PRUNE2: variants seen among roughly 807,000 people sequenced by gnomAD.
The protein encoded by PRUNE2 is protein prune homolog 2.
Under a neutral mutation model 252.0 loss-of-function variants are expected in PRUNE2, and 164 were observed. That is an observed-to-expected ratio of 0.65 (90% CI 0.57 to 0.74). The LOEUF is 0.74. Ranked by LOEUF, PRUNE2 falls within the 30% of genes least tolerant of loss-of-function variation. PRUNE2 has a pLI of 0.00. For missense variants in PRUNE2, 3,495 were observed against 3,711.0 expected (o/e 0.94, Z 1.51); for synonymous variants, 1,292 against 1,350.2 (o/e 0.96, Z 0.94).
intron 6 of PRUNE2, among the ~76,000 whole-genome samples, chr9:76,763,633 C>A (rs144417266): frequency 0.023 from 3,532 of 152,270 alleles, 61 homozygotes; most frequent in Middle Eastern, 0.027. Context: ...AGCTTCCTTG[C>A]CTCTCCTGTG....
intron 12 of PRUNE2, chr9:76,641,925 C>G: frequency 6.6e-7 from 1 of 1,522,106 alleles, no homozygotes; most frequent in Non-Finnish European, 8.8e-7. Flanking sequence ...CTCTTCTCCT[C>G]ATTCTTTCCA....
At chr9:76,629,422 T>C in intron 15 of PRUNE2, 132 bp from the exon 16 acceptor site, 1 of 540,462 alleles carries the variant, frequency 1.9e-6, no homozygotes, top group Non-Finnish European at 3.2e-6. Context: ...GCTAACATTA[T>C]TTGACGAGTT....
chr9:76,761,264 G>A (rs1289333039), intron 6 of PRUNE2, among the ~76,000 whole-genome samples: 4 of 152,084 alleles, frequency 2.6e-5, no homozygotes, highest in African/African-American at 9.7e-5. Context: ...TCTTCTGTGA[G>A]ATTGCTGCCC....
chr9:76,639,910 C>G (rs947204793), intron 12 of PRUNE2, among the ~76,000 whole-genome samples: 1 of 152,148 alleles, frequency 6.6e-6, no homozygotes, highest in African/African-American at 2.4e-5. Context: ...TTTGGAATTG[C>G]CCTGTCTTTT....
Position 76,713,629 on chromosome 9 carries a change from CAGAT to C in PRUNE2, c.845_848del (p.Tyr282CysfsTer36), listed in dbSNP as rs1269571099. The C allele has an allele frequency of 1.9e-6, 3 of 1,604,414 alleles. No homozygotes were observed. The highest frequency in any genetic ancestry group is 2.6e-6 in the Non-Finnish European group (3 of 1,175,504). On this transcript the variant is annotated frameshift_variant, in exon 7 of 19. Coordinates refer to ENST00000376718, the MANE Select transcript of PRUNE2 (RefSeq NM_015225.3). LOFTEE classifies it high-confidence loss of function. ...GTCGTCTCGGCTGCTGCTCCTCTGACAGATAGCTGGAGAACAGGATGAGGACATC... is the reference window on the plus strand; with the variant it reads ...GTCGTCTCGGCTGCTGCTCCTCTGACAGCTGGAGAACAGGATGAGGACATC...
chr9:76,763,184 A>C lies in PRUNE2; in HGVS notation c.757-49463T>G, dbSNP rs1193864803. 2.0e-5 allele frequency among the ~76,000 whole-genome samples: 3 copies of C among 152,224 alleles called. No individual in the cohort carries two copies. The East Asian group carries it at 5.8e-4, about 29-fold the overall frequency. ...GACAAAAAGCCCAGGTGCTGCCTGC[A>C]CTGGAAGTCAAGTCAATTACTGGTC... On this transcript the variant is annotated intron_variant, in intron 6 of 18. Coordinates refer to ENST00000376718, the MANE Select transcript of PRUNE2 (RefSeq NM_015225.3).
rs144023967 is a variant in PRUNE2, at chr9:76,899,628, C to A, written c.36+6300G>T. Among the ~76,000 whole-genome samples the A allele has an allele frequency of 1.8e-4, 28 of 152,252 alleles. 1 individual carries two copies. In the East Asian group the frequency reaches 4.4e-3, roughly 24 times the overall value. ...CACTCTTTGAGCATCAGGTACTGCA[C>A]CAGAACCGGGAGATACAATGGTGAG... On this transcript the variant is annotated intron_variant, in intron 1 of 18. Transcript: ENST00000376718.
At chr9:76,869,545 T>A (rs1050598125) in intron 1 of PRUNE2, among the ~76,000 whole-genome samples, 1 of 152,148 alleles carries the variant, frequency 6.6e-6, no homozygotes, top group Non-Finnish European at 1.5e-5. Context: ...CAGTAGATAT[T>A]CAAAAAATGT....
chr9:76,863,260 C>T (rs1308676404), intron 1 of PRUNE2: 2 of 152,098 alleles, frequency 1.3e-5, no homozygotes, highest in African/African-American at 2.4e-5. Context: ...AGAAATTTAC[C>T]TTCCCATCCA....
rs370853576 is a variant in PRUNE2, at chr9:76,703,634, A to G, written c.7979T>C (p.Val2660Ala). Reference sequence around the variant, plus strand: ...CAAGCCGAGTTCAGAGAACGGCTCCACAGTCTTGCCAGACCACCCAGGCCC... The same window carrying G: ...CAAGCCGAGTTCAGAGAACGGCTCCGCAGTCTTGCCAGACCACCCAGGCCC... ...DSGPGWSGKT[V>A]EPFSELGLGE... The change falls in exon 9 of 19, where the codon GTG (valine) becomes GCG (alanine). Residue 2660 changes from valine (V) to alanine (A), a missense_variant. Val to Ala is a moderately conservative substitution (Grantham distance 64). Coordinates refer to ENST00000376718, the MANE Select transcript of PRUNE2 (RefSeq NM_015225.3). 9.3e-6 allele frequency: 15 copies of G among 1,612,326 alleles called. No individual in the cohort carries two copies. The Admixed American group carries it at 1.5e-4, about 16-fold the overall frequency.
At chr9:76,774,146 A>T (rs1020443102) in intron 6 of PRUNE2, among the ~76,000 whole-genome samples, 2 of 151,990 alleles carry the variant, frequency 1.3e-5, no homozygotes, top group African/African-American at 2.4e-5. Flanking sequence ...TTAAAAAAAT[A>T]TTTTTTTGAC....
intron 6 of PRUNE2, among the ~76,000 whole-genome samples, chr9:76,768,756 C>T (rs958741225): frequency 6.6e-6 from 1 of 152,078 alleles, no homozygotes; most frequent in African/African-American, 2.4e-5. Flanking sequence ...TCTTACCACC[C>T]AAGTAATTGG....
intron 4 of PRUNE2, among the ~76,000 whole-genome samples, chr9:76,845,640 C>G (rs1029735262): frequency 6.6e-6 from 1 of 152,194 alleles, no homozygotes; most frequent in Non-Finnish European, 1.5e-5. Flanking sequence ...AGGACAGAGT[C>G]CTTAAAAGAG....
chr9:76,720,250 A>G (rs958211043), intron 6 of PRUNE2, among the ~76,000 whole-genome samples: 5 of 152,022 alleles, frequency 3.3e-5, no homozygotes, highest in Non-Finnish European at 7.3e-5. Context: ...AATAATACGT[A>G]TTGAATTCTA....
chr9:76,708,267 C>CT lies in PRUNE2; in HGVS notation c.4006dup (p.Arg1336LysfsTer5). The CT allele has an allele frequency of 6.2e-7, 1 of 1,613,840 alleles. No homozygotes were observed. Among genetic ancestry groups the CT allele is most frequent in the Non-Finnish European group, 8.5e-7 (1 of 1,179,870 alleles). On this transcript the variant is annotated frameshift_variant, in exon 8 of 19. Coordinates refer to ENST00000376718, the MANE Select transcript of PRUNE2 (RefSeq NM_015225.3). LOFTEE classifies it high-confidence loss of function. The stretch of plus-strand genomic sequence containing the variant: ...CACCTCCTCTTCATCAAGGTGCCCC[C>CT]TGTCAGTGGCTCCCTGGGCTTCCTT...
chr9:76,646,180 C>A (rs950709596), intron 11 of PRUNE2, among the ~76,000 whole-genome samples: 1 of 152,200 alleles, frequency 6.6e-6, no homozygotes, highest in African/African-American at 2.4e-5. Context: ...TTAATATTCA[C>A]TTCCAGCAAC....
intron 1 of PRUNE2, 100 bp from the exon 2 acceptor site, chr9:76,854,308 A>G: frequency 1.9e-6 from 1 of 526,688 alleles, no homozygotes; most frequent in Non-Finnish European, 3.3e-6. Context: ...CCATATTGAT[A>G]CACAATGGCA....
rs759551313 is a variant in PRUNE2, at chr9:76,710,554, G to A, written c.1720C>T (p.Gln574Ter). ...TCAGAGTTATCTCTGGGACTGTCTTGTCTCTGGACAAACTCCTCATCATGT... is the reference window on the plus strand; with the variant it reads ...TCAGAGTTATCTCTGGGACTGTCTTATCTCTGGACAAACTCCTCATCATGT... ...VEHDEEFVQR[Q>*]DSPRDNSERN... is the part of the protein sequence containing the mutation. The change falls in exon 8 of 19, where the codon CAA (glutamine) becomes TAA (stop). Residue 574 changes from glutamine (Q) to a stop codon, truncating the protein, a stop_gained. Coordinates refer to ENST00000376718, the MANE Select transcript of PRUNE2 (RefSeq NM_015225.3). LOFTEE classifies it high-confidence loss of function. 4 of 1,613,902 alleles carry A rather than the reference G, an allele frequency of 2.5e-6. No individual in the cohort carries two copies. Among genetic ancestry groups the A allele is most frequent in the Non-Finnish European group, 3.4e-6 (4 of 1,179,868 alleles).
rs796291956 is a variant in PRUNE2 at position 76,724,303 on chromosome 9, CAA to C, written c.757-10584_757-10583del. ...GTGAGACCTGTCTCTGATAGAAATA[CAA>C]AAAAAAAAAAAAAAAAAAAATAGCC... On this transcript the variant is annotated intron_variant, in intron 6 of 18. Coordinates refer to ENST00000376718, the MANE Select transcript of PRUNE2 (RefSeq NM_015225.3). Among the ~76,000 whole-genome samples the C allele has an allele frequency of 7.1e-3, 494 of 69,404 alleles. 5 individuals carry two copies. Among genetic ancestry groups the C allele is most frequent in the Middle Eastern group, 0.021 (2 of 94 alleles). The allele number at this position is 69,404 out of a possible 152,430, so 45.5% of individuals were successfully genotyped here.
Sources: gnomAD v4.1 joint callset for allele counts (sites outside exome capture counted in the v4.1 genomes callset) on GRCh38, gnomAD v4.1.1 for gene constraint, MANE v1.5 for transcripts, NCBI Gene and HGNC (gene_info 2026-07-23, HGNC 2026-07-21) for gene names.